The following UQCC1 variants were observed in gnomAD, a reference collection of about 807,000 sequenced individuals.
The protein encoded by UQCC1 is ubiquinol-cytochrome c reductase complex assembly factor 1, also known as bFGF-repressed Zic-binding protein.
A neutral mutation model predicts 48.0 loss-of-function variants in UQCC1; 38 were observed. The observed-to-expected ratio is 0.79, with a 90% confidence interval of 0.61 to 1.04. The LOEUF is 1.04. Among genes scored for constraint, UQCC1 ranks in the 50% least tolerant of loss-of-function variants. UQCC1 has a pLI of 0.00. For synonymous variants in UQCC1, 111 were observed against 129.2 expected (o/e 0.86, Z 0.95); for missense variants, 368 against 381.8 (o/e 0.96, Z 0.30).
At chr20:35,408,187 G>C (rs1383798779) in intron 1 of UQCC1, among the ~76,000 whole-genome samples, 1 of 152,120 alleles carries the variant, frequency 6.6e-6, no homozygotes, top group African/African-American at 2.4e-5. Flanking sequence ...CTAACACTTC[G>C]AGAGGCTGAG....
intron 2 of UQCC1, chr20:35,384,617 G>A (rs1177452190): frequency 2.2e-6 from 1 of 451,364 alleles, no homozygotes; most frequent in Admixed American, 2.4e-5. Flanking sequence ...ACTTCAACCT[G>A]GGCGACTCAG....
chr20:35,311,220 G>A (rs2060990270), intron 8 of UQCC1, among the ~76,000 whole-genome samples: 1 of 152,116 alleles, frequency 6.6e-6, no homozygotes. Flanking sequence ...GGCAGATAGG[G>A]CACATAGCAA....
chr20:35,309,404 G>A (rs2060965314), intron 8 of UQCC1, among the ~76,000 whole-genome samples: 1 of 152,008 alleles, frequency 6.6e-6, no homozygotes. Context: ...CTGCACTCCA[G>A]CCTGGGCAAC....
intron 7 of UQCC1, among the ~76,000 whole-genome samples, chr20:35,334,944 G>C (rs1470561163): frequency 1.3e-5 from 2 of 152,142 alleles, no homozygotes; most frequent in Admixed American, 1.3e-4. Flanking sequence ...ACTTACTCAG[G>C]CTTACCCGAA....
intron 7 of UQCC1, among the ~76,000 whole-genome samples, chr20:35,341,949 G>A: frequency 6.6e-6 from 1 of 152,156 alleles, no homozygotes; most frequent in East Asian, 1.9e-4. Flanking sequence ...GAGGAAATGA[G>A]TTTGGAGAGG....
intron 1 of UQCC1, among the ~76,000 whole-genome samples, chr20:35,404,748 C>T (rs973168647): frequency 2.0e-5 from 3 of 151,786 alleles, no homozygotes; most frequent in African/African-American, 4.8e-5. Flanking sequence ...TTAGAAGGCC[C>T]TATTTCAAGG....
intron 8 of UQCC1, among the ~76,000 whole-genome samples, chr20:35,313,804 G>C (rs1568649285): frequency 6.6e-6 from 1 of 151,748 alleles, no homozygotes. Flanking sequence ...ATCTGTAGTA[G>C]AGACGGGGTT....
chr20:35,322,035 A>C (rs1254145285), intron 7 of UQCC1, among the ~76,000 whole-genome samples: 1 of 152,254 alleles, frequency 6.6e-6, no homozygotes, highest in East Asian at 1.9e-4. Flanking sequence ...TGGGATGATC[A>C]AACTACCATG....
At chr20:35,377,386 T>C (rs2061814508) in intron 4 of UQCC1, among the ~76,000 whole-genome samples, 1 of 152,228 alleles carries the variant, frequency 6.6e-6, no homozygotes. Flanking sequence ...GAAGCACTGG[T>C]CTGTGCCATT....
At chr20:35,312,332 G>C (rs759537732) in intron 8 of UQCC1, among the ~76,000 whole-genome samples, 1 of 152,124 alleles carries the variant, frequency 6.6e-6, no homozygotes, top group Non-Finnish European at 1.5e-5. Context: ...ATATCCAGTA[G>C]AATAGGAATC....
At chr20:35,392,697 GC>G (rs1173581010) in intron 2 of UQCC1, among the ~76,000 whole-genome samples, 8 of 152,090 alleles carry the variant, frequency 5.3e-5, no homozygotes, top group Admixed American at 2.0e-4. Context: ...ACTACTCTGT[GC>G]CAGGCATAGT....
At chr20:35,368,875 C>T (rs2061698426) in intron 5 of UQCC1, among the ~76,000 whole-genome samples, 1 of 152,184 alleles carries the variant, frequency 6.6e-6, no homozygotes, top group African/African-American at 2.4e-5. Flanking sequence ...GCTATTAAGA[C>T]ACATGCCATC....
intron 1 of UQCC1, among the ~76,000 whole-genome samples, chr20:35,397,804 G>A (rs1018667557): frequency 6.6e-6 from 1 of 151,988 alleles, no homozygotes; most frequent in East Asian, 1.9e-4. Flanking sequence ...GGATACTTGG[G>A]GACAATTGTA....
intron 2 of UQCC1, chr20:35,386,523 T>C (rs944454468): frequency 2.8e-6 from 1 of 355,876 alleles, no homozygotes; most frequent in African/African-American, 2.1e-5. Context: ...TTCATAAGTA[T>C]CAAGCAGGCT....
chr20:35,407,315 C>T (rs2062266921), intron 1 of UQCC1, among the ~76,000 whole-genome samples: 1 of 151,770 alleles, frequency 6.6e-6, no homozygotes, highest in Non-Finnish European at 1.5e-5. Flanking sequence ...GTAATCCCAG[C>T]TACTTGGGAG....
intron 1 of UQCC1, among the ~76,000 whole-genome samples, chr20:35,401,457 A>G (rs564716008): frequency 6.6e-6 from 1 of 152,298 alleles, no homozygotes; most frequent in South Asian, 2.1e-4. Context: ...CTGAAACAAG[A>G]AGGCGGAATG....
chr20:35,311,616 C>T (rs1440818239), intron 8 of UQCC1, among the ~76,000 whole-genome samples: 3 of 152,206 alleles, frequency 2.0e-5, no homozygotes, highest in South Asian at 2.1e-4. Flanking sequence ...TCTCAGGCCC[C>T]GCCCCAGACT....
intron 3 of UQCC1, among the ~76,000 whole-genome samples, chr20:35,382,861 C>T (rs1463906528): frequency 6.6e-6 from 1 of 152,076 alleles, no homozygotes; most frequent in Non-Finnish European, 1.5e-5. Context: ...ACATTTGGAA[C>T]TGTACCTAAT....
intron 1 of UQCC1, among the ~76,000 whole-genome samples, chr20:35,401,266 T>G (rs1016932583): frequency 2.0e-5 from 3 of 152,186 alleles, no homozygotes; most frequent in Admixed American, 6.5e-5. Context: ...AAAATTTACC[T>G]AACAAACATA....
Sources: allele counts gnomAD v4.1 joint callset (sites outside exome capture counted in the v4.1 genomes callset), GRCh38; gene constraint gnomAD v4.1.1; transcripts MANE v1.5; gene names NCBI Gene and HGNC (gene_info 2026-07-23, HGNC 2026-07-21).